The following C4orf51 variants were observed in gnomAD, a reference collection of about 807,000 sequenced individuals.
C4orf51 encodes uncharacterized protein C4orf51.
In C4orf51, 25 loss-of-function variants were observed where a neutral mutation model predicts 25.2. That is an observed-to-expected ratio of 0.99 (90% CI 0.72 to 1.39). The LOEUF (loss-of-function observed/expected upper bound fraction) is 1.39, where lower values mean the gene tolerates loss of function less well. Ranked by LOEUF, C4orf51 falls within the 40% of genes most tolerant of loss-of-function variation. The pLI, the probability that C4orf51 is intolerant of heterozygous loss-of-function variation, is 0.00. For missense variants in C4orf51, 252 were observed against 239.6 expected (o/e 1.05, Z -0.34); for synonymous variants, 100 against 84.5 (o/e 1.18, Z -1.01).
the C4orf51 span, among the ~76,000 whole-genome samples, chr4:145,781,195 C>CAAAAAAAAAAAAAAAAAAAAGAAAAAA: frequency 1.8e-5 from 1 of 56,546 alleles, no homozygotes; most frequent in Non-Finnish European, 2.8e-5. Flanking sequence ...GACACCATCT[C>CAAAAAAAAAAAAAAAAAAAAGAAAAAA]AAAAAAAAAA....
intron 2 of C4orf51, 133 bp downstream of exon 2, chr4:145,696,765 G>A (rs903511609): frequency 2.4e-5 from 16 of 660,360 alleles, no homozygotes; most frequent in Non-Finnish European, 3.4e-5. Flanking sequence ...GGGCACTGTG[G>A]CTCACACCTG....
At chr4:145,699,522 A>C (rs898670830) in intron 2 of C4orf51, among the ~76,000 whole-genome samples, 1 of 151,908 alleles carries the variant, frequency 6.6e-6, no homozygotes, top group Non-Finnish European at 1.5e-5. Flanking sequence ...CCCTTCTCTT[A>C]ATTTCAATTC....
In C4orf51 at chr4:145,726,616, A is replaced by G. The variant is rs138748204; in HGVS notation, c.308-295A>G. ...AGACGGGGGTCTCCCTATGTTGCCAACGCTGGTCTTGAACTCCTGGCCTCA... is the reference window on the plus strand; with the variant it reads ...AGACGGGGGTCTCCCTATGTTGCCAGCGCTGGTCTTGAACTCCTGGCCTCA... On this transcript the variant is annotated intron_variant, in intron 2 of 5. Transcript: ENST00000438731. Among the ~76,000 whole-genome samples the G allele has an allele frequency of 8.6e-3, 1,312 of 152,224 alleles. 12 individuals are homozygous for G. Among genetic ancestry groups the G allele is most frequent in the Non-Finnish European group, 0.014 (920 of 68,024 alleles).
At chr4:145,785,486 A>G in the C4orf51 span, among the ~76,000 whole-genome samples, 1 of 152,180 alleles carries the variant, frequency 6.6e-6, no homozygotes, top group Non-Finnish European at 1.5e-5. Context: ...GTTCATTTTC[A>G]GGAGGATAAA....
At chr4:145,709,047 C>T (rs1348440876) in intron 2 of C4orf51, among the ~76,000 whole-genome samples, 2 of 152,118 alleles carry the variant, frequency 1.3e-5, no homozygotes, top group Non-Finnish European at 2.9e-5. Context: ...GAGAAGAATA[C>T]TCATGGGAAG....
chr4:145,775,709 A>G, downstream of C4orf51: 3 of 1,536,960 alleles, frequency 2.0e-6, no homozygotes, highest in South Asian at 2.3e-5. Flanking sequence ...CTCGTGATGT[A>G]TGCCCACAGC....
At chr4:145,771,552 G>A (rs1212938060), downstream of C4orf51, among the ~76,000 whole-genome samples, 2 of 152,188 alleles carry the variant, frequency 1.3e-5, no homozygotes, top group Non-Finnish European at 2.9e-5. Flanking sequence ...CACCAAAGGG[G>A]ATATTTTCCC....
intron 1 of C4orf51, among the ~76,000 whole-genome samples, chr4:145,691,712 T>C (rs141907354): frequency 1.5e-3 from 230 of 152,252 alleles, no homozygotes; most frequent in African/African-American, 5.4e-3. Context: ...TTCTCACTTA[T>C]AAGTGGGAGC....
rs372229936 is a variant in C4orf51, at chr4:145,765,557, C to T, written n.167-5431C>T. On this transcript the variant is annotated intron_variant and non_coding_transcript_variant, in intron 1 of 1. Coordinates refer to the C4orf51 transcript ENST00000510096. The surrounding 1 kb of genome is among the most constrained non-coding windows in gnomAD (Gnocchi z 4.7). Reference sequence around the variant, plus strand: ...CCACCTCCTCCTTACCTTTCTCTGGCTTTTCCTCACTGTTCAGTGAGGGCT... The same window carrying T: ...CCACCTCCTCCTTACCTTTCTCTGGTTTTTCCTCACTGTTCAGTGAGGGCT... 6.2e-7 allele frequency: 1 copy of T among 1,612,110 alleles called. No homozygotes were observed. Among genetic ancestry groups the T allele is most frequent in the African/African-American group, 1.3e-5 (1 of 74,874 alleles).
rs758351703 is a variant in C4orf51, at chr4:145,732,448, T to C, written c.502-5T>C. The C allele has an allele frequency of 4.4e-6, 7 of 1,603,174 alleles. No homozygotes were observed. In the African/African-American group the frequency reaches 9.4e-5, roughly 21 times the overall value. On this transcript the variant is annotated splice_polypyrimidine_tract_variant and splice_region_variant and intron_variant, in intron 5 of 5. Transcript: ENST00000438731. ...AGTGTTGACAACCAGGCCATTTTTC[T>C]CCAGCTTCATGGACGGTGCGATTCT... is the stretch of plus-strand genomic sequence containing the variant.
At chr4:145,773,230 G>A (rs1360097312), downstream of C4orf51, among the ~76,000 whole-genome samples, 1 of 152,220 alleles carries the variant, frequency 6.6e-6, no homozygotes, top group African/African-American at 2.4e-5. Flanking sequence ...CAGCTCACCT[G>A]CTGCCCACAG....
intron 2 of C4orf51, among the ~76,000 whole-genome samples, chr4:145,722,421 C>CA (rs1219525494): frequency 6.6e-6 from 1 of 151,916 alleles, no homozygotes; most frequent in African/African-American, 2.4e-5. Context: ...TTATCACACT[C>CA]AAAAAAAGTC....
downstream of C4orf51, among the ~76,000 whole-genome samples, chr4:145,771,524 C>T (rs975527864): frequency 3.9e-5 from 6 of 152,284 alleles, no homozygotes; most frequent in African/African-American, 1.2e-4. Flanking sequence ...GCAAAATTTG[C>T]ACTGAAGAAG....
intron 3 of C4orf51, among the ~76,000 whole-genome samples, chr4:145,727,931 T>TAA (rs1732172967): frequency 2.2e-5 from 2 of 89,220 alleles, no homozygotes; most frequent in African/African-American, 6.7e-5. Context: ...ATAAAATATA[T>TAA]TATATATATA....
Position 145,729,378 on chromosome 4 carries a change from T to C in C4orf51, c.427+149T>C, listed in dbSNP as rs1732304721. 5.6e-6 allele frequency: 3 copies of C among 538,234 alleles called. No homozygotes were observed. In the Admixed American group the frequency reaches 1.1e-4, roughly 19 times the overall value. 33.3% of individuals were successfully genotyped at this position (538,234 alleles called of 1,614,324 possible). ...GTGCAGTGGCGCGATCTCGGCTCAC[T>C]GCAAGCTCTGCCTCCCACGTTCACG... is the stretch of plus-strand genomic sequence containing the variant. On this transcript the variant is annotated intron_variant, in intron 4 of 5. Coordinates refer to ENST00000438731, the MANE Select transcript of C4orf51 (RefSeq NM_001080531.3).
chr4:145,707,186 G>A (rs1035441681), intron 2 of C4orf51, among the ~76,000 whole-genome samples: 3 of 151,896 alleles, frequency 2.0e-5, no homozygotes, highest in Non-Finnish European at 2.9e-5. Flanking sequence ...TGATCCACCC[G>A]CCTCGGCCTC....
At position 145,680,335 on chromosome 4, in the gene C4orf51, C is replaced by A. The variant is rs547659053; in HGVS notation, c.132C>A (p.Ser44=). Residue 44 remains serine (S), a synonymous_variant, in exon 1 of 6, where the codon TCC becomes TCA. Coordinates refer to ENST00000438731, the MANE Select transcript of C4orf51 (RefSeq NM_001080531.3). ...ATGAAACACGATGGTCAGATTCTTC[C>A]GTGACAACATACACAGGCAGTTACC... The part of the protein sequence containing the change: ...WQDETRWSDS[S]VTTYTGSYRK... 5 of 1,613,844 alleles carry A rather than the reference C, an allele frequency of 3.1e-6. No homozygotes were observed. Among genetic ancestry groups the A allele is most frequent in the Non-Finnish European group, 4.2e-6 (5 of 1,179,858 alleles).
chr4:145,686,975 C>T (rs1578916047), intron 1 of C4orf51, among the ~76,000 whole-genome samples: 1 of 150,482 alleles, frequency 6.6e-6, no homozygotes, highest in South Asian at 2.1e-4. Context: ...TCTGAGGAGT[C>T]ACCCTTTCAG....
At chr4:145,750,873 A>G (rs1010061307) in intron 1 of C4orf51, among the ~76,000 whole-genome samples, 5 of 151,980 alleles carry the variant, frequency 3.3e-5, no homozygotes, top group African/African-American at 1.2e-4. Context: ...TGTATTTTCA[A>G]ATACCCTGTC....
Sources: gnomAD v4.1 joint callset for allele counts (sites outside exome capture counted in the v4.1 genomes callset) on GRCh38, gnomAD v4.1.1 for gene constraint, Gnocchi (gnomAD v3.1) non-coding constraint, MANE v1.5 for transcripts, NCBI Gene and HGNC (gene_info 2026-07-23, HGNC 2026-07-21) for gene names.